Variants in C16orf96 observed in about 807,000 individuals in gnomAD.
The protein encoded by C16orf96 is chromosome 16 open reading frame 96.
A neutral mutation model predicts 103.6 loss-of-function variants in C16orf96; 108 were observed. The ratio of observed to expected loss-of-function variants is 1.04; its 90% CI spans 0.89 to 1.22. The LOEUF is 1.22. Among genes scored for constraint, C16orf96 ranks in the 50% most tolerant of loss-of-function variants. C16orf96 has a pLI of 0.00. For synonymous variants in C16orf96, 566 were observed against 593.5 expected (o/e 0.95, Z 0.67); for missense variants, 1,586 against 1,464.2 (o/e 1.08, Z -1.36).
chr16:4,575,040 T>G lies in C16orf96; in HGVS notation c.675T>G (p.His225Gln). 1 of 1,551,492 alleles carries G rather than the reference T, an allele frequency of 6.4e-7. No homozygotes were observed. The highest frequency in any genetic ancestry group is 8.7e-7 in the Non-Finnish European group (1 of 1,147,002). ...ACATGGTGCTCTGGAGTGGCCTTCATGATGCCATGTTCACCTCAGTGAGTG... is the reference window on the plus strand; with the variant it reads ...ACATGGTGCTCTGGAGTGGCCTTCAGGATGCCATGTTCACCTCAGTGAGTG... ...TEDMVLWSGL[H>Q]DAMFTSEIGS... Residue 225 changes from histidine (H) to glutamine (Q), a missense_variant, in exon 4 of 16, where the codon CAT becomes CAG. By Grantham distance (24) the His-to-Gln change is conservative. Coordinates refer to ENST00000444310, the MANE Select transcript of C16orf96 (RefSeq NM_001145011.2).
chr16:4,575,156 C>G lies in C16orf96; in HGVS notation c.694-18C>G, dbSNP rs1337033693. The G allele has an allele frequency of 1.3e-6, 2 of 1,545,190 alleles. No individual in the cohort carries two copies. Among genetic ancestry groups the G allele is most frequent in the East Asian group, 4.9e-5 (2 of 40,904 alleles). On this transcript the variant is annotated intron_variant, in intron 4 of 15. Transcript: ENST00000444310. ...GGGGCTGGAAGCCAGCAGAGCCCCTCTGCCCCCTCTTCTGCAGGAAATTGG... is the reference window on the plus strand; with the variant it reads ...GGGGCTGGAAGCCAGCAGAGCCCCTGTGCCCCCTCTTCTGCAGGAAATTGG...
rs1435449366 is a variant in C16orf96 at position 4,593,261 on chromosome 16, C to T, written c.2812C>T (p.Arg938Trp). 14 of 1,550,906 alleles carry T rather than the reference C, an allele frequency of 9.0e-6. No homozygotes were observed. The highest frequency in any genetic ancestry group is 1.7e-4 in the Middle Eastern group (1 of 6,014). Reference protein sequence around the residue: ...ITIRKAHLLSRLRPASANSCE... With the variant: ...ITIRKAHLLSWLRPASANSCE... ...CATCCGCAAAGCCCACCTGCTGTCC[C>T]GGCTGCGGCCAGCCAGCGCCAACAG... Residue 938 changes from arginine (R) to tryptophan (W), a missense_variant, in exon 12 of 16, where the codon CGG (arginine) becomes TGG (tryptophan). Coordinates refer to ENST00000444310, the MANE Select transcript of C16orf96 (RefSeq NM_001145011.2). The surrounding 1 kb of genome is among the most constrained non-coding windows in gnomAD (Gnocchi z 4.2).
At chr16:4,586,926 TC>T in intron 7 of C16orf96, 112 bp from the exon 8 acceptor site, 2 of 935,326 alleles carry the variant, frequency 2.1e-6, no homozygotes, top group Non-Finnish European at 3.3e-6. Context: ...CTGCCTGCTG[TC>T]CACACGGCCT....
upstream of C16orf96, among the ~76,000 whole-genome samples, chr16:4,552,460 C>A (rs1470029218): frequency 3.7e-5 from 5 of 134,376 alleles, no homozygotes; most frequent in African/African-American, 1.1e-4. Context: ...CCAGCCTGGG[C>A]GACAGTGTTA....
the C16orf96 span, among the ~76,000 whole-genome samples, chr16:4,543,177 T>G: frequency 6.6e-6 from 1 of 152,140 alleles, no homozygotes; most frequent in Non-Finnish European, 1.5e-5. Context: ...AGGAGGACGT[T>G]TAAGTTGGGG....
At position 4,600,300 on chromosome 16, in the gene C16orf96, G is replaced by A. The variant is rs1339610707; in HGVS notation, c.3409G>A (p.Glu1137Lys). ...ESRVGRKPPE[E>K]PANP ...CCGAGTCGGCAGGAAGCCCCCCGAG[G>A]AGCCCGCCAACCCGTGAGCCCCACC... Residue 1137 changes from glutamate to lysine, a missense_variant, in exon 16 of 16, where the codon GAG becomes AAG. Transcript: ENST00000444310. The A allele has an allele frequency of 4.5e-6, 7 of 1,549,784 alleles. No individual in the cohort carries two copies. The highest frequency in any genetic ancestry group is 6.1e-6 in the Non-Finnish European group (7 of 1,146,808).
chr16:4,592,554 C>T (rs1389943069), intron 11 of C16orf96, among the ~76,000 whole-genome samples, 187 bp downstream of exon 11: 1 of 152,206 alleles, frequency 6.6e-6, no homozygotes, highest in Non-Finnish European at 1.5e-5. Flanking sequence ...CAGGTATCTA[C>T]ACATCCACAT....
chr16:4,540,621 G>A, the C16orf96 span, among the ~76,000 whole-genome samples: 21 of 152,022 alleles, frequency 1.4e-4, 1 homozygote, highest in Non-Finnish European at 1.5e-5. Context: ...CAGCTATTCG[G>A]GAGGCTGAGG....
chr16:4,596,441 C>T (rs1158635690), intron 14 of C16orf96, among the ~76,000 whole-genome samples: 2 of 149,328 alleles, frequency 1.3e-5, no homozygotes, highest in South Asian at 4.2e-4. Context: ...AACAAGATCA[C>T]GCCACTGCAC....
At chr16:4,574,895 G>C in intron 3 of C16orf96, 77 bp from the exon 4 acceptor site, 4 of 1,522,460 alleles carry the variant, frequency 2.6e-6, no homozygotes, top group Non-Finnish European at 3.6e-6. Flanking sequence ...ACACAGCCTG[G>C]AAAGGTTTCT....
chr16:4,598,696 A>G (rs983873287), intron 14 of C16orf96, among the ~76,000 whole-genome samples: 4 of 152,214 alleles, frequency 2.6e-5, no homozygotes, highest in Non-Finnish European at 4.4e-5. Flanking sequence ...CAGCTAAACC[A>G]TAAATAGCCC....
chr16:4,550,460 G>T, the C16orf96 span, among the ~76,000 whole-genome samples: 1 of 152,028 alleles, frequency 6.6e-6, no homozygotes, highest in Admixed American at 6.6e-5. Flanking sequence ...CTCCTCCCAT[G>T]TTCTCTCCTT....
intron 2 of C16orf96, among the ~76,000 whole-genome samples, chr16:4,573,438 CAAAA>C (rs71139644): frequency 1.6e-4 from 11 of 69,734 alleles, no homozygotes; most frequent in Admixed American, 3.7e-4. Context: ...GACTCCGTCT[CAAAA>C]AAAAAAAAAA....
At chr16:4,591,626 A>C in intron 9 of C16orf96, 40 bp from the exon 10 acceptor site, 1 of 1,484,198 alleles carries the variant, frequency 6.7e-7, no homozygotes, top group South Asian at 1.2e-5. Context: ...GTGTGAATTC[A>C]TAGAGTATTC....
chr16:4,585,312 A>AAAAAAAAAAAAG lies in C16orf96; in HGVS notation c.2353-1727_2353-1726insAAAAAAAAAAAG, dbSNP rs60726283. 5.5e-5 allele frequency among the ~76,000 whole-genome samples: 6 copies of AAAAAAAAAAAAG among 109,944 alleles called. 3 individuals are homozygous for AAAAAAAAAAAAG. Among genetic ancestry groups the AAAAAAAAAAAAG allele is most frequent in the Non-Finnish European group, 3.6e-5 (2 of 55,898 alleles). The allele number at this position is 109,944 out of a possible 152,430, so 72.1% of individuals were successfully genotyped here. ...TCTACAAAAAAAAAAAAAAAAAAAA[A>AAAAAAAAAAAAG]TCCAGGTAGGTGGTGTCACCTGCAG... On this transcript the variant is annotated intron_variant, in intron 7 of 15. Transcript: ENST00000444310.
At chr16:4,541,148 G>A in the C16orf96 span, among the ~76,000 whole-genome samples, 20 of 152,022 alleles carry the variant, frequency 1.3e-4, no homozygotes, top group East Asian at 1.9e-4. Context: ...TCCTCACCTC[G>A]TGATCCGCCC....
intron 14 of C16orf96, among the ~76,000 whole-genome samples, chr16:4,596,484 CAAA>C (rs35069884): frequency 8.4e-6 from 1 of 118,592 alleles, no homozygotes; most frequent in Non-Finnish European, 1.7e-5. Flanking sequence ...GACTTCGTCT[CAAA>C]AAAAAAAAAA....
chr16:4,544,502 G>C, the C16orf96 span, among the ~76,000 whole-genome samples: 81,951 of 152,036 alleles, frequency 0.54, 26,116 homozygotes, highest in Non-Finnish European at 0.7. Flanking sequence ...AGCTACTCCA[G>C]AGACTGAGGT....
At chr16:4,551,253 G>A in the C16orf96 span, among the ~76,000 whole-genome samples, 1 of 152,180 alleles carries the variant, frequency 6.6e-6, no homozygotes, top group Non-Finnish European at 1.5e-5. Flanking sequence ...CTGGGTGACA[G>A]TGAGACCCTA....
Sources: allele counts gnomAD v4.1 joint callset (sites outside exome capture counted in the v4.1 genomes callset), GRCh38; gene constraint gnomAD v4.1.1; non-coding constraint Gnocchi (gnomAD v3.1); transcripts MANE v1.5; gene names NCBI Gene and HGNC (gene_info 2026-07-23, HGNC 2026-07-21).